Variants in COL23A1 observed in about 807,000 individuals in gnomAD.
The protein encoded by COL23A1 is collagen alpha-1(XXIII) chain.
In COL23A1, 97 loss-of-function variants were observed where a neutral mutation model predicts 99.3. That is an observed-to-expected ratio of 0.98 (90% CI 0.83 to 1.16). The LOEUF (loss-of-function observed/expected upper bound fraction) is 1.16, where lower values mean the gene tolerates loss of function less well. Ranked by LOEUF, COL23A1 falls within the 50% of genes most tolerant of loss-of-function variation. The probability of loss-of-function intolerance (pLI) is 0.00; values close to 1 mark genes in which losing one functional copy is unlikely to be tolerated. For missense variants in COL23A1, 762 were observed against 757.4 expected (o/e 1.01, Z -0.07); for synonymous variants, 320 against 308.2 (o/e 1.04, Z -0.40).
At chr5:178,330,024 C>T (rs1481129399) in intron 2 of COL23A1, among the ~76,000 whole-genome samples, 2 of 152,018 alleles carry the variant, frequency 1.3e-5, no homozygotes, top group African/African-American at 2.4e-5. Flanking sequence ...GTGACTATGG[C>T]GCCATCAGTT....
In COL23A1 at chr5:178,255,135, C is replaced by T. The variant is rs942500130; in HGVS notation, c.883-109G>A. ...CAGAGAGAAAGCAATGGAAGAGCCT[C>T]GTCACCCAGGCTGCACGCATGCCCC... On this transcript the variant is annotated intron_variant, in intron 15 of 28. Coordinates refer to ENST00000390654, the MANE Select transcript of COL23A1 (RefSeq NM_173465.4). The surrounding 1 kb of genome is among the most constrained non-coding windows in gnomAD (Gnocchi z 4.2). 24 of 922,390 alleles carry T rather than the reference C, an allele frequency of 2.6e-5. No individual in the cohort carries two copies. The highest frequency in any genetic ancestry group is 1.1e-4 in the African/African-American group (7 of 61,376). 57.1% of individuals were successfully genotyped at this position (922,390 alleles called of 1,614,324 possible).
chr5:178,271,168 C>T (rs1263066190), intron 5 of COL23A1, among the ~76,000 whole-genome samples: 2 of 152,172 alleles, frequency 1.3e-5, no homozygotes, highest in African/African-American at 2.4e-5. Flanking sequence ...ACCTACCACT[C>T]ACTCAACAAA....
chr5:178,397,767 T>A (rs1211303428), intron 2 of COL23A1, among the ~76,000 whole-genome samples: 2 of 152,102 alleles, frequency 1.3e-5, no homozygotes, highest in Non-Finnish European at 2.9e-5. Flanking sequence ...GGAGAGCAGA[T>A]CACGAGGTCA....
At chr5:178,321,633 G>T (rs1442380972) in intron 2 of COL23A1, among the ~76,000 whole-genome samples, 1 of 151,444 alleles carries the variant, frequency 6.6e-6, no homozygotes, top group Non-Finnish European at 1.5e-5. Flanking sequence ...GGGACTACAG[G>T]CACCTGCCAC....
intron 2 of COL23A1, among the ~76,000 whole-genome samples, chr5:178,431,429 C>T (rs61636631): frequency 0.086 from 13,122 of 152,230 alleles, 1,292 homozygotes; most frequent in East Asian, 0.36. Context: ...CCCCAGAACC[C>T]GCGAATGGTT....
chr5:178,380,672 T>C (rs1763329986), intron 2 of COL23A1, among the ~76,000 whole-genome samples: 1 of 152,132 alleles, frequency 6.6e-6, no homozygotes, highest in Non-Finnish European at 1.5e-5. Context: ...GGAGGTGGTA[T>C]GAACAGCACG....
In COL23A1 at chr5:178,353,518, T is replaced by C. The variant is rs58945461; in HGVS notation, c.362-46599A>G. ...AGCCAAAAGAAGAGTGAACCAAGGA[T>C]AGGACTGGGCCATTTGCCGAAAAGG... is the stretch of plus-strand genomic sequence containing the variant. On this transcript the variant is annotated intron_variant, in intron 2 of 28. Coordinates refer to ENST00000390654, the MANE Select transcript of COL23A1 (RefSeq NM_173465.4). Among the ~76,000 whole-genome samples the C allele has an allele frequency of 6.5e-3, 990 of 152,298 alleles. 9 individuals are homozygous for C. The highest frequency in any genetic ancestry group is 0.02 in the African/African-American group (820 of 41,554).
intron 5 of COL23A1, among the ~76,000 whole-genome samples, chr5:178,271,770 C>T (rs1051384187): frequency 2.0e-5 from 3 of 152,198 alleles, no homozygotes; most frequent in African/African-American, 4.8e-5. Context: ...CGCATTGTGG[C>T]GACAGTAACG....
intron 2 of COL23A1, among the ~76,000 whole-genome samples, chr5:178,311,279 T>TA (rs1461780036): frequency 1.3e-5 from 2 of 152,244 alleles, no homozygotes; most frequent in South Asian, 2.1e-4. Context: ...CATTGAACCT[T>TA]AGAGTTTCCA....
At position 178,238,782 on chromosome 5, in the gene COL23A1, C is replaced by T. The variant is rs937154715; in HGVS notation, c.1621-82G>A. On this transcript the variant is annotated intron_variant, in intron 28 of 28. Transcript: ENST00000390654. ...TCCAGGCCACCTTGCCTGGCCTCCC[C>T]GGTCCTGCCCATTTCCTCCTATCTT... The T allele has an allele frequency of 3.6e-5, 57 of 1,567,064 alleles. 1 individual carries two copies. The South Asian group carries it at 4.4e-4, about 12-fold the overall frequency.
chr5:178,388,007 A>G (rs944429098), intron 2 of COL23A1, among the ~76,000 whole-genome samples: 2 of 152,120 alleles, frequency 1.3e-5, no homozygotes, highest in Non-Finnish European at 2.9e-5. Flanking sequence ...GCCACCGCCC[A>G]CCGACACTGC....
intron 8 of COL23A1, among the ~76,000 whole-genome samples, chr5:178,263,657 C>T (rs1472434516): frequency 1.3e-5 from 2 of 152,224 alleles, no homozygotes; most frequent in African/African-American, 4.8e-5. Flanking sequence ...GCCCCCTCTT[C>T]TTTCTAGAAC....
At chr5:178,242,212 G>C in intron 26 of COL23A1, 84 bp from the exon 27 acceptor site, 1 of 1,467,482 alleles carries the variant, frequency 6.8e-7, no homozygotes, top group South Asian at 1.2e-5. Context: ...AGCGCGTGGG[G>C]CCAGCCTCCC....
chr5:178,523,899 C>T (rs1307055288), intron 2 of COL23A1, among the ~76,000 whole-genome samples: 3 of 152,160 alleles, frequency 2.0e-5, no homozygotes, highest in South Asian at 2.1e-4. Flanking sequence ...GCTCTGAACA[C>T]GGCTGTCACT....
At chr5:178,427,799 G>C (rs1766026682) in intron 2 of COL23A1, among the ~76,000 whole-genome samples, 1 of 152,202 alleles carries the variant, frequency 6.6e-6, no homozygotes, top group African/African-American at 2.4e-5. Context: ...GCCAGGGGCT[G>C]GGGGAGGGAG....
At chr5:178,449,297 C>A (rs1047209208) in intron 2 of COL23A1, among the ~76,000 whole-genome samples, 6 of 152,304 alleles carry the variant, frequency 3.9e-5, no homozygotes, top group Middle Eastern at 3.4e-3. Flanking sequence ...TGTCTTCCCC[C>A]ACGTCTGCCG....
intron 2 of COL23A1, among the ~76,000 whole-genome samples, chr5:178,347,537 C>G (rs1449680973): frequency 6.6e-6 from 1 of 151,892 alleles, no homozygotes; most frequent in Non-Finnish European, 1.5e-5. Flanking sequence ...CTAAAAACCA[C>G]CGAGTCATAC....
At chr5:178,239,266 G>T in intron 27 of COL23A1, 87 bp from the exon 28 acceptor site, 2 of 1,483,704 alleles carry the variant, frequency 1.3e-6, no homozygotes, top group Non-Finnish European at 1.9e-6. Context: ...CTGTAGGGAG[G>T]TGCAGGCCAG....
In COL23A1 at chr5:178,259,720, C is replaced by A; in HGVS notation, c.729+1G>T. On this transcript the variant is annotated splice_donor_variant, in intron 12 of 28. Transcript: ENST00000390654. LOFTEE classifies it high-confidence loss of function. Reference sequence around the variant, plus strand: ...GAAGCTCCTCCATTGGCCCCTCTCACCTTCTTTCCAGGTACTCCAGGCTCA... The same window carrying A: ...GAAGCTCCTCCATTGGCCCCTCTCAACTTCTTTCCAGGTACTCCAGGCTCA... 1 of 1,602,296 alleles carries A rather than the reference C, an allele frequency of 6.2e-7. No homozygotes were observed. The highest frequency in any genetic ancestry group is 8.5e-7 in the Non-Finnish European group (1 of 1,172,536).
Sources: allele counts gnomAD v4.1 joint callset (sites outside exome capture counted in the v4.1 genomes callset), GRCh38; gene constraint gnomAD v4.1.1; non-coding constraint Gnocchi (gnomAD v3.1); transcripts MANE v1.5; gene names NCBI Gene and HGNC (gene_info 2026-07-23, HGNC 2026-07-21).